Variants in HNF1A observed in about 807,000 individuals in gnomAD.
HNF1A encodes HNF1 homeobox A, also known as hepatocyte nuclear factor 1-alpha.
HNF1A carries 21 observed loss-of-function variants against 62.2 expected under a neutral mutation model. That is an observed-to-expected ratio of 0.34 (90% CI 0.24 to 0.49). HNF1A has a LOEUF of 0.49. HNF1A is among the 20% of genes least tolerant of loss of function. The pLI is 0.99. For synonymous variants in HNF1A, 374 were observed against 366.8 expected (o/e 1.02, Z -0.22); for missense variants, 687 against 832.3 (o/e 0.83, Z 2.15).
chr12:120,994,019 C>A, intron 3 of HNF1A, 145 bp from the exon 4 acceptor site: 1 of 1,095,320 alleles, frequency 9.1e-7, no homozygotes, highest in Non-Finnish European at 1.3e-6. Flanking sequence ...TGCCCAAGGT[C>A]ACACAGCAGA....
Position 121,002,434 on chromosome 12 carries a change from C to T in HNF1A, c.*1242C>T. The T allele has an allele frequency of 1.9e-6, 1 of 531,766 alleles. No homozygotes were observed. Among genetic ancestry groups the T allele is most frequent in the Non-Finnish European group, 3.7e-6 (1 of 273,918 alleles). The allele number at this position is 531,766 out of a possible 1,614,324, so 32.9% of individuals were successfully genotyped here. On this transcript the variant is annotated 3_prime_UTR_variant, in exon 10 of 10. Transcript: ENST00000257555. ...AAAAGGCCTGGGGTGACCCGGCACC[C>T]CCTGCAGCTTGTAGCCAGCCGGGGC...
intron 2 of HNF1A, among the ~76,000 whole-genome samples, chr12:120,990,046 A>G (rs1876733637): frequency 6.6e-6 from 1 of 152,076 alleles, no homozygotes; most frequent in South Asian, 2.1e-4. Context: ...CTCATACCCC[A>G]CCAAATCCCA....
chr12:120,999,746 T>C, intron 9 of HNF1A, 119 bp downstream of exon 9: 1 of 1,313,206 alleles, frequency 7.6e-7, no homozygotes, highest in Non-Finnish European at 1.0e-6. Flanking sequence ...CTAGGGCTGC[T>C]GTGAGGAAGC....
chr12:120,993,471 G>A, intron 2 of HNF1A, 49 bp from the exon 3 acceptor site: 1 of 1,582,010 alleles, frequency 6.3e-7, no homozygotes, highest in Non-Finnish European at 8.7e-7. Context: ...AATGGACGTG[G>A]GAAGGTGAGA....
chr12:120,978,738 C>T lies in HNF1A; in HGVS notation c.-31C>T. ...GGGGGAGGCGGCTAGCGTGGTGGAC[C>T]CGGGCCGCGTGGCCCTGTGGCAGCC... On this transcript the variant is annotated 5_prime_UTR_variant, in exon 1 of 10. Coordinates refer to ENST00000257555, the MANE Select transcript of HNF1A (RefSeq NM_000545.8). 1 of 1,608,102 alleles carries T rather than the reference C, an allele frequency of 6.2e-7. No homozygotes were observed. Among genetic ancestry groups the T allele is most frequent in the Non-Finnish European group, 8.5e-7 (1 of 1,176,196 alleles).
chr12:120,998,926 C>T (rs919737340), intron 7 of HNF1A, among the ~76,000 whole-genome samples: 10 of 152,286 alleles, frequency 6.6e-5, no homozygotes, highest in South Asian at 2.1e-4. Context: ...GTAGCACCTG[C>T]GCTTAGTACG....
Position 120,997,338 on chromosome 12 carries a change from G to T in HNF1A, c.1310-136G>T, listed in dbSNP as rs1428883260. On this transcript the variant is annotated intron_variant, in intron 6 of 9. Coordinates refer to ENST00000257555, the MANE Select transcript of HNF1A (RefSeq NM_000545.8). The stretch of plus-strand genomic sequence containing the variant: ...TAAATTAGTGGCAGGTCCCAGTGGA[G>T]GGCTGTTTCCTGACCACCCTGCCCC... 7 of 1,330,214 alleles carry T rather than the reference G, an allele frequency of 5.3e-6. No homozygotes were observed. In the East Asian group the frequency reaches 1.5e-4, roughly 29 times the overall value. The allele number at this position is 1,330,214 out of a possible 1,614,324, so 82.4% of individuals were successfully genotyped here. A position where few individuals can be genotyped will look rare whatever the true frequency, so the allele number is the denominator to read the frequency against.
intron 9 of HNF1A, among the ~76,000 whole-genome samples, 185 bp downstream of exon 9, chr12:120,999,812 G>A (rs551113545): frequency 6.6e-5 from 10 of 152,128 alleles, no homozygotes; most frequent in Admixed American, 4.6e-4. Context: ...AGGCACAGGC[G>A]ACCCCAGGAA....
chr12:120,993,921 T>C (rs1394369446), intron 3 of HNF1A, among the ~76,000 whole-genome samples: 1 of 152,190 alleles, frequency 6.6e-6, no homozygotes, highest in Admixed American at 6.5e-5. Flanking sequence ...CTTCCATGGA[T>C]GCTCACCCAA....
intron 2 of HNF1A, 64 bp downstream of exon 2, chr12:120,989,096 G>A: frequency 2.7e-6 from 4 of 1,492,692 alleles, no homozygotes; most frequent in East Asian, 4.6e-5. Flanking sequence ...TAACTCATAG[G>A]TGGGGGCTGG....
chr12:120,987,259 G>A (rs1207085585), intron 1 of HNF1A, among the ~76,000 whole-genome samples: 1 of 152,140 alleles, frequency 6.6e-6, no homozygotes, highest in African/African-American at 2.4e-5. Flanking sequence ...CAGATCACAA[G>A]ATCAGGAGAT....
intron 1 of HNF1A, among the ~76,000 whole-genome samples, chr12:120,980,071 C>G (rs1042354805): frequency 4.6e-5 from 7 of 152,128 alleles, no homozygotes; most frequent in African/African-American, 1.7e-4. Flanking sequence ...TTCACTACTT[C>G]CTGGGCGCTG....
At chr12:120,997,142 T>A in intron 6 of HNF1A, 6 of 1,404,148 alleles carry the variant, frequency 4.3e-6, no homozygotes, top group Non-Finnish European at 5.6e-6. Flanking sequence ...AAGGAGCTGC[T>A]AGGAGAGGGG....
chr12:121,000,836 A>G, intron 9 of HNF1A: 1 of 575,396 alleles, frequency 1.7e-6, no homozygotes, highest in Non-Finnish European at 3.1e-6. Context: ...GGGCTTCTCC[A>G]GTGTTCACAC....
In HNF1A at chr12:120,997,530, C is replaced by G. The variant is rs2135847576; in HGVS notation, c.1366C>G (p.Leu456Val). 6.2e-7 allele frequency: 1 copy of G among 1,613,512 alleles called. No homozygotes were observed. The highest frequency in any genetic ancestry group is 1.1e-5 in the South Asian group (1 of 91,062). Residue 456 changes from leucine (L) to valine (V), a missense_variant, in exon 7 of 10, where the codon CTG becomes GTG. Physicochemically the swap from Leu to Val is conservative, Grantham distance 32. Transcript: ENST00000257555. ...VPVINSMGSS[L>V]TTLQPVQFSQ... ...GGTCATCAACAGCATGGGCAGCAGCCTGACCACCCTGCAGCCCGTCCAGTT... is the reference window on the plus strand; with the variant it reads ...GGTCATCAACAGCATGGGCAGCAGCGTGACCACCCTGCAGCCCGTCCAGTT...
At chr12:120,987,093 A>G (rs1876546586) in intron 1 of HNF1A, among the ~76,000 whole-genome samples, 1 of 152,152 alleles carries the variant, frequency 6.6e-6, no homozygotes, top group Non-Finnish European at 1.5e-5. Context: ...GAGAATCTCA[A>G]CCCACAGAGT....
In HNF1A at chr12:120,993,714, G is replaced by A. The variant is rs1202882892; in HGVS notation, c.713+8G>A. The A allele has an allele frequency of 1.1e-5, 17 of 1,613,292 alleles. No individual in the cohort carries two copies. The highest frequency in any genetic ancestry group is 3.3e-5 in the South Asian group (3 of 91,036). The stretch of plus-strand genomic sequence containing the variant: ...AGTGGAGGAGTGCAATAGGTACAAC[G>A]GCGGGCGGGAAACAGTGCTGGTTTG... On this transcript the variant is annotated splice_region_variant and intron_variant, in intron 3 of 9. Transcript: ENST00000257555.
intron 1 of HNF1A, among the ~76,000 whole-genome samples, chr12:120,983,841 C>T (rs1876372245): frequency 6.6e-6 from 1 of 152,010 alleles, no homozygotes; most frequent in Non-Finnish European, 1.5e-5. Flanking sequence ...CCACCACGCC[C>T]AGCCTTGGCC....
intron 1 of HNF1A, among the ~76,000 whole-genome samples, chr12:120,985,657 GCAAGT>G (rs1227439634): frequency 1.3e-5 from 2 of 151,538 alleles, no homozygotes; most frequent in Non-Finnish European, 2.9e-5. Context: ...GGGAGACAGA[GCAAGT>G]AGCCTCTAAA....
Sources: gnomAD v4.1 joint callset for allele counts (sites outside exome capture counted in the v4.1 genomes callset) on GRCh38, gnomAD v4.1.1 for gene constraint, MANE v1.5 for transcripts, NCBI Gene and HGNC (gene_info 2026-07-23, HGNC 2026-07-21) for gene names.